The following TBC1D8 variants were observed in gnomAD, a reference collection of about 807,000 sequenced individuals.
The protein encoded by TBC1D8 is BUB2-like protein 1.
In TBC1D8, 65 loss-of-function variants were observed where a neutral mutation model predicts 118.8. The observed-to-expected ratio is 0.55, with a 90% CI of 0.45 to 0.67. TBC1D8 has a LOEUF of 0.67. TBC1D8 is among the 30% of genes least tolerant of loss of function. TBC1D8 has a pLI of 0.00. For synonymous variants in TBC1D8, 566 were observed against 595.8 expected, an observed-to-expected ratio of 0.95 and a Z score of 0.73; for missense variants, 1,376 against 1,471.2, an observed-to-expected ratio of 0.94 and a Z score of 1.06.
rs375214533 is a variant in TBC1D8 at position 101,090,376 on chromosome 2, A to T, written c.128-12T>A. 29 of 1,613,506 alleles carry T rather than the reference A, an allele frequency of 1.8e-5. No individual in the cohort carries two copies. The highest frequency in any genetic ancestry group is 1.7e-4 in the Middle Eastern group (1 of 5,962). On this transcript the variant is annotated splice_polypyrimidine_tract_variant and intron_variant, in intron 1 of 19. Coordinates refer to ENST00000409318, the MANE Select transcript of TBC1D8 (RefSeq NM_001330348.2). The stretch of plus-strand genomic sequence containing the variant: ...GCCGACCAGGCGACCTTCAAAAGAA[A>T]AGAGAAGAAAGTGCACCTGTGAGCA...
intron 1 of TBC1D8, among the ~76,000 whole-genome samples, chr2:101,150,202 A>T (rs970463167): frequency 3.3e-5 from 5 of 152,178 alleles, no homozygotes; most frequent in African/African-American, 1.2e-4. Flanking sequence ...TGAGAGCAGA[A>T]AGAGCCGCCA....
At position 101,029,633 on chromosome 2, in the gene TBC1D8, C is replaced by T; in HGVS notation, c.2080G>A (p.Glu694Lys). The part of the protein sequence containing the change: ...LTLFLSIMPL[E>K]SAVNVVDCFF... ...CAGTCTACCACATTCACCGCACTCT[C>T]TAGAGGCATGATGCTGAGGAACAGG... The change falls in exon 12 of 20, where the codon GAG becomes AAG. Residue 694 changes from glutamate (E) to lysine (K), a missense_variant. Physicochemically the swap from Glu to Lys is moderately conservative, Grantham distance 56. Coordinates refer to ENST00000409318, the MANE Select transcript of TBC1D8 (RefSeq NM_001330348.2). The T allele has an allele frequency of 6.2e-7, 1 of 1,614,000 alleles. No homozygotes were observed. The highest frequency in any genetic ancestry group is 1.3e-5 in the African/African-American group (1 of 75,046).
intron 4 of TBC1D8, among the ~76,000 whole-genome samples, chr2:101,051,350 T>C (rs996668773): frequency 3.9e-5 from 6 of 152,194 alleles, no homozygotes; most frequent in African/African-American, 1.4e-4. Flanking sequence ...TCCACAATGA[T>C]TGAGCTAATT....
At chr2:101,040,093 C>T (rs1681283194) in intron 6 of TBC1D8, 85 bp downstream of exon 6, 1 of 1,484,994 alleles carries the variant, frequency 6.7e-7, no homozygotes, top group Non-Finnish European at 9.2e-7. Context: ...TGAACTTCCC[C>T]TCCCACACTC....
intron 2 of TBC1D8, among the ~76,000 whole-genome samples, chr2:101,080,390 C>A (rs571714493): frequency 2.0e-5 from 3 of 152,106 alleles, no homozygotes; most frequent in Non-Finnish European, 2.9e-5. Context: ...GCACTTCCTT[C>A]GCTACCCTGG....
At chr2:101,139,805 C>G (rs570508138) in intron 1 of TBC1D8, among the ~76,000 whole-genome samples, 1 of 152,298 alleles carries the variant, frequency 6.6e-6, no homozygotes, top group South Asian at 2.1e-4. Flanking sequence ...AGAGACAGCT[C>G]CCTGATGTTC....
At chr2:101,031,680 A>G (rs371779573) in intron 11 of TBC1D8, among the ~76,000 whole-genome samples, 1 of 152,174 alleles carries the variant, frequency 6.6e-6, no homozygotes, top group African/African-American at 2.4e-5. Context: ...TTGCAAGGCC[A>G]CAAGTTACCC....
chr2:101,089,749 C>T (rs1467349771), intron 2 of TBC1D8, among the ~76,000 whole-genome samples: 3 of 152,032 alleles, frequency 2.0e-5, no homozygotes, highest in East Asian at 1.9e-4. Context: ...AAACTGCCCA[C>T]ACCATTATGT....
chr2:101,040,525 A>C (rs1573920143), intron 5 of TBC1D8, 140 bp from the exon 6 acceptor site: 1 of 825,294 alleles, frequency 1.2e-6, no homozygotes, highest in Admixed American at 2.6e-5. Context: ...GATGGAGTGC[A>C]GTGGTGCGAG....
intron 1 of TBC1D8, among the ~76,000 whole-genome samples, chr2:101,106,308 T>C (rs1456677315): frequency 6.6e-6 from 1 of 152,204 alleles, no homozygotes; most frequent in Non-Finnish European, 1.5e-5. Context: ...TGTGTGTTTG[T>C]CAAAACCCAC....
intron 17 of TBC1D8, among the ~76,000 whole-genome samples, chr2:101,014,412 T>A (rs1462976463): frequency 6.6e-6 from 1 of 152,178 alleles, no homozygotes; most frequent in Non-Finnish European, 1.5e-5. Context: ...CAGGACTGCG[T>A]GTTAAACTGG....
At chr2:101,131,951 G>A (rs1270119593) in intron 1 of TBC1D8, among the ~76,000 whole-genome samples, 1 of 152,034 alleles carries the variant, frequency 6.6e-6, no homozygotes, top group Admixed American at 6.6e-5. Context: ...AATTGTTATA[G>A]GTATATTTTA....
rs545622456 is a variant in TBC1D8 at position 101,097,767 on chromosome 2, T to C, written c.128-7403A>G. Among the ~76,000 whole-genome samples, 9 of 152,090 alleles carry C rather than the reference T, an allele frequency of 5.9e-5. No individual in the cohort carries two copies. In the East Asian group the frequency reaches 1.4e-3, roughly 23 times the overall value. ...CCTGCAGTCCCAGCTACTTAAAAGG[T>C]TGAGGTGAAAAGACTGCATTAGCCC... On this transcript the variant is annotated intron_variant, in intron 1 of 19. Coordinates refer to ENST00000409318, the MANE Select transcript of TBC1D8 (RefSeq NM_001330348.2).
At chr2:101,086,023 T>A (rs1302979874) in intron 2 of TBC1D8, among the ~76,000 whole-genome samples, 2 of 151,680 alleles carry the variant, frequency 1.3e-5, no homozygotes, top group East Asian at 3.9e-4. Flanking sequence ...GTGCCTGTAG[T>A]CCCAGCTACT....
At chr2:101,144,146 T>C (rs1386622237) in intron 1 of TBC1D8, among the ~76,000 whole-genome samples, 1 of 152,230 alleles carries the variant, frequency 6.6e-6, no homozygotes, top group Non-Finnish European at 1.5e-5. Context: ...TCTACATCCA[T>C]GTATTTCACA....
intron 4 of TBC1D8, among the ~76,000 whole-genome samples, 170 bp from the exon 5 acceptor site, chr2:101,050,811 G>T (rs1171881468): frequency 6.6e-6 from 1 of 152,174 alleles, no homozygotes; most frequent in Non-Finnish European, 1.5e-5. Flanking sequence ...TGCAATACAG[G>T]TAAACTCATG....
At chr2:101,012,473 C>T (rs540593766) in intron 17 of TBC1D8, among the ~76,000 whole-genome samples, 1 of 152,146 alleles carries the variant, frequency 6.6e-6, no homozygotes, top group South Asian at 2.1e-4. Flanking sequence ...TATCAAATGT[C>T]CAGGACAGGC....
At chr2:101,023,294 G>A (rs1300771012) in intron 15 of TBC1D8, among the ~76,000 whole-genome samples, 2 of 151,822 alleles carry the variant, frequency 1.3e-5, no homozygotes, top group Non-Finnish European at 2.9e-5. Context: ...ACAGGTGCCC[G>A]CCACCACACC....
At chr2:101,108,978 G>A (rs1399038720) in intron 1 of TBC1D8, among the ~76,000 whole-genome samples, 2 of 152,078 alleles carry the variant, frequency 1.3e-5, no homozygotes, top group African/African-American at 4.8e-5. Context: ...CCTCTGTACT[G>A]TCCTCACAAT....
Sources: gnomAD v4.1 joint callset for allele counts (sites outside exome capture counted in the v4.1 genomes callset) on GRCh38, gnomAD v4.1.1 for gene constraint, MANE v1.5 for transcripts, NCBI Gene and HGNC (gene_info 2026-07-23, HGNC 2026-07-21) for gene names.